RBPMS: variants seen among roughly 807,000 people sequenced by gnomAD.
RBPMS encodes RNA binding protein, mRNA processing factor.
In RBPMS, 7 loss-of-function variants were observed where a neutral mutation model predicts 26.8. That is an observed-to-expected ratio of 0.26 (90% CI 0.15 to 0.49). The LOEUF (loss-of-function observed/expected upper bound fraction) is 0.49, where lower values mean the gene tolerates loss of function less well. Ranked by LOEUF, RBPMS falls within the 20% of genes least tolerant of loss-of-function variation. The pLI, the probability that RBPMS is intolerant of heterozygous loss-of-function variation, is 0.98. For synonymous variants in RBPMS, 96 were observed against 93.3 expected, an observed-to-expected ratio of 1.03 and a Z score of -0.17; for missense variants, 186 against 250.0, an observed-to-expected ratio of 0.74 and a Z score of 1.73.
chr8:30,487,172 A>C (rs915962984), intron 4 of RBPMS, among the ~76,000 whole-genome samples: 4 of 152,226 alleles, frequency 2.6e-5, no homozygotes, highest in African/African-American at 7.2e-5. Flanking sequence ...TGTCTTGACT[A>C]CCCACATTAC....
At chr8:30,463,837 C>G (rs16877024) in intron 1 of RBPMS, among the ~76,000 whole-genome samples, 2,730 of 152,302 alleles carry the variant, frequency 0.018, 66 homozygotes, top group African/African-American at 0.061. Context: ...ATGCTTTGAG[C>G]ACTTAACCTC....
chr8:30,549,595 T>C (rs748268786), intron 6 of RBPMS: 11 of 1,607,608 alleles, frequency 6.8e-6, no homozygotes, highest in Non-Finnish European at 8.5e-6. Context: ...GGTGAGGCTT[T>C]CTAGGAGCAC....
At chr8:30,472,545 A>G (rs887330288) in intron 1 of RBPMS, among the ~76,000 whole-genome samples, 2 of 152,258 alleles carry the variant, frequency 1.3e-5, no homozygotes, top group African/African-American at 2.4e-5. Flanking sequence ...AAAACATCAC[A>G]TATTTCAAGA....
intron 6 of RBPMS, among the ~76,000 whole-genome samples, chr8:30,557,921 G>A (rs944052213): frequency 6.6e-6 from 1 of 152,214 alleles, no homozygotes; most frequent in Admixed American, 6.5e-5. Context: ...ATGGAGTGCA[G>A]TGGCACAATC....
chr8:30,487,335 G>T (rs191661718), intron 4 of RBPMS, among the ~76,000 whole-genome samples: 90 of 152,262 alleles, frequency 5.9e-4, no homozygotes, highest in African/African-American at 2.1e-3. Context: ...AGTCCATAAG[G>T]ATTTGAACTT....
Position 30,544,554 on chromosome 8 carries a change from T to A in RBPMS, c.458T>A (p.Leu153Gln). 6.2e-7 allele frequency: 1 copy of A among 1,614,220 alleles called. No homozygotes were observed. Among genetic ancestry groups the A allele is most frequent in the Non-Finnish European group, 8.5e-7 (1 of 1,180,032 alleles). The change falls in exon 6 of 9, where the codon CTG becomes CAG. Residue 153 changes from leucine to glutamine, a missense_variant. By Grantham distance (113) the Leu-to-Gln change is moderately radical. Transcript: ENST00000397323. ...SSPEVWAPYP[L>Q]YPAELAPALP... The stretch of plus-strand genomic sequence containing the variant: ...CCTGAAGTGTGGGCCCCGTACCCTC[T>A]GTACCCAGCGGAGTTAGCGCCTGCT...
chr8:30,498,011 G>A (rs1442961881), intron 4 of RBPMS, among the ~76,000 whole-genome samples: 2 of 150,904 alleles, frequency 1.3e-5, no homozygotes, highest in Admixed American at 1.3e-4. Context: ...GGAAGGGGCA[G>A]TATAAAGGTT....
intron 5 of RBPMS, among the ~76,000 whole-genome samples, chr8:30,507,363 A>T (rs1214783143): frequency 2.0e-5 from 3 of 152,244 alleles, no homozygotes; most frequent in Non-Finnish European, 4.4e-5. Context: ...GCTGAGGATT[A>T]AATAGATATA....
chr8:30,411,843 G>A (rs1809472205), intron 1 of RBPMS, among the ~76,000 whole-genome samples: 1 of 151,890 alleles, frequency 6.6e-6, no homozygotes, highest in African/African-American at 2.4e-5. Context: ...AGAATTAGCT[G>A]GGCGTTGTGG....
chr8:30,503,747 C>A (rs916956557), intron 4 of RBPMS, among the ~76,000 whole-genome samples: 7 of 152,070 alleles, frequency 4.6e-5, no homozygotes, highest in African/African-American at 1.7e-4. Context: ...GAGTGGGTCC[C>A]ATGGGTGCAC....
At position 30,557,941 on chromosome 8, in the gene RBPMS, A is replaced by T. The variant is rs886301178; in HGVS notation, c.529-946A>T. Among the ~76,000 whole-genome samples the T allele has an allele frequency of 5.3e-5, 8 of 152,192 alleles. No individual in the cohort carries two copies. In the East Asian group the frequency reaches 1.5e-3, roughly 29 times the overall value. Reference sequence around the variant, plus strand: ...GTGCAGTGGCACAATCTCAGCTTACAGCAACCTCCCCCCTCCTGGTTCAAG... The same window carrying T: ...GTGCAGTGGCACAATCTCAGCTTACTGCAACCTCCCCCCTCCTGGTTCAAG... On this transcript the variant is annotated intron_variant, in intron 6 of 8. Transcript: ENST00000397323.
At position 30,501,236 on chromosome 8, in the gene RBPMS, C is replaced by T. The variant is rs530432290; in HGVS notation, c.247-3050C>T. Among the ~76,000 whole-genome samples the T allele has an allele frequency of 1.2e-3, 180 of 151,790 alleles. 1 individual carries two copies. Among genetic ancestry groups the T allele is most frequent in the African/African-American group, 4.1e-3 (171 of 41,362 alleles). On this transcript the variant is annotated intron_variant, in intron 4 of 8. Transcript: ENST00000397323. The stretch of plus-strand genomic sequence containing the variant: ...ATAAGAGGTCCTTTGTGATCTCTCC[C>T]CAGTCTGCTTGTTCAGCCACCCCAC...
chr8:30,473,487 G>A (rs117815312), intron 1 of RBPMS, among the ~76,000 whole-genome samples: 3 of 152,258 alleles, frequency 2.0e-5, no homozygotes, highest in Non-Finnish European at 4.4e-5. Context: ...GTACATGGTG[G>A]CCTATGTGTT....
intron 7 of RBPMS, among the ~76,000 whole-genome samples, chr8:30,559,783 T>C (rs1409999335): frequency 6.6e-6 from 1 of 152,232 alleles, no homozygotes; most frequent in Non-Finnish European, 1.5e-5. Flanking sequence ...GGCCTGATCC[T>C]CATGCTGTTA....
At chr8:30,516,461 A>G (rs1563399353) in intron 5 of RBPMS, among the ~76,000 whole-genome samples, 1 of 152,074 alleles carries the variant, frequency 6.6e-6, no homozygotes, top group East Asian at 1.9e-4. Context: ...TCTGCTGTGT[A>G]TTCTGTAGTG....
chr8:30,439,514 G>A (rs760201330), intron 1 of RBPMS, among the ~76,000 whole-genome samples: 2 of 152,178 alleles, frequency 1.3e-5, no homozygotes, highest in African/African-American at 2.4e-5. Context: ...GAAGGAATGC[G>A]GTGAGCAAAT....
intron 1 of RBPMS, among the ~76,000 whole-genome samples, chr8:30,453,390 C>T (rs1814828900): frequency 6.6e-6 from 1 of 152,094 alleles, no homozygotes; most frequent in Non-Finnish European, 1.5e-5. Context: ...AAGTAGGAAG[C>T]ACTCATTAAT....
Position 30,514,535 on chromosome 8 carries a change from G to A in RBPMS, c.397+10099G>A, listed in dbSNP as rs186088592. Among the ~76,000 whole-genome samples the A allele has an allele frequency of 7.4e-3, 1,121 of 151,956 alleles. 33 individuals carry two copies. Among genetic ancestry groups the A allele is most frequent in the Admixed American group, 0.05 (769 of 15,262 alleles). On this transcript the variant is annotated intron_variant, in intron 5 of 8. Coordinates refer to ENST00000397323, the MANE Select transcript of RBPMS (RefSeq NM_001008710.3). ...TTGACAGTTTCCCAACAGATTGGTG[G>A]TGATGTTAATGAATTTTTTTTTTAA...
In RBPMS at chr8:30,562,501, C is replaced by G. The variant is rs568265735; in HGVS notation, c.*7+3545C>G. Among the ~76,000 whole-genome samples, 3 of 152,154 alleles carry G rather than the reference C, an allele frequency of 2.0e-5. No homozygotes were observed. In the South Asian group the frequency reaches 6.2e-4, roughly 32 times the overall value. Reference sequence around the variant, plus strand: ...CACGCGGGGGAGTCTAGTCTCCCAGCCCATCTAAAGTTAGACTAGCTCAGT... The same window carrying G: ...CACGCGGGGGAGTCTAGTCTCCCAGGCCATCTAAAGTTAGACTAGCTCAGT... On this transcript the variant is annotated intron_variant, in intron 7 of 8. Coordinates refer to ENST00000397323, the MANE Select transcript of RBPMS (RefSeq NM_001008710.3).
Sources: allele counts gnomAD v4.1 joint callset (sites outside exome capture counted in the v4.1 genomes callset), GRCh38; gene constraint gnomAD v4.1.1; transcripts MANE v1.5; gene names NCBI Gene and HGNC (gene_info 2026-07-23, HGNC 2026-07-21).